The following BNC2 variants were observed in gnomAD, a reference collection of about 807,000 sequenced individuals.
BNC2 encodes the protein basonuclin zinc finger protein 2, also known as zinc finger protein basonuclin-2.
Under a neutral mutation model 76.3 loss-of-function variants are expected in BNC2, and 20 were observed. The ratio of observed to expected loss-of-function variants is 0.26; its 90% CI spans 0.18 to 0.38. The LOEUF is 0.38. Ranked by LOEUF, BNC2 falls within the 10% of genes least tolerant of loss-of-function variation. The pLI, the probability that BNC2 is intolerant of heterozygous loss-of-function variation, is 1.00. For missense variants in BNC2, 1,382 were observed against 1,399.8 expected (o/e 0.99, Z 0.20); for synonymous variants, 582 against 514.8 (o/e 1.13, Z -1.77).
At chr9:16,505,816 C>A (rs1005650557) in intron 5 of BNC2, among the ~76,000 whole-genome samples, 5 of 152,038 alleles carry the variant, frequency 3.3e-5, no homozygotes, top group Admixed American at 6.5e-5. Context: ...AATATTAACA[C>A]CCCAAGCAGA....
intron 5 of BNC2, among the ~76,000 whole-genome samples, chr9:16,445,779 C>T (rs1167339247): frequency 6.6e-6 from 1 of 152,182 alleles, no homozygotes; most frequent in Admixed American, 6.5e-5. Context: ...CCTCATCCAC[C>T]CCAAACTGCC....
At chr9:16,690,956 G>A (rs1250132835) in intron 3 of BNC2, among the ~76,000 whole-genome samples, 1 of 152,102 alleles carries the variant, frequency 6.6e-6, no homozygotes, top group Non-Finnish European at 1.5e-5. Context: ...GATCCTCTGG[G>A]GTGAGCTGCC....
At position 16,436,518 on chromosome 9, in the gene BNC2, A is replaced by C; in HGVS notation, c.1676T>G (p.Val559Gly). ...VLQNPLPSQL[V>G]FSGLKTVQPV... ...TTGTACAGTCTTTAGCCCAGAAAAT[A>C]CTAGCTGGCTAGGGAGAGGATTTTG... Residue 559 changes from valine (V) to glycine (G), a missense_variant, in exon 6 of 7, where the codon GTA becomes GGA. Val to Gly is a moderately radical substitution (Grantham distance 109, BLOSUM62 -3). Around this residue, in one of 3 missense-constraint regions of BNC2, gnomAD observed 798 missense variants for 775.5 expected, o/e 1.03. Coordinates refer to ENST00000380672, the MANE Select transcript of BNC2 (RefSeq NM_017637.6). 1 of 1,614,114 alleles carries C rather than the reference A, an allele frequency of 6.2e-7. No homozygotes were observed. Among genetic ancestry groups the C allele is most frequent in the Non-Finnish European group, 8.5e-7 (1 of 1,180,014 alleles).
chr9:16,607,222 G>T (rs1395990925), intron 3 of BNC2, among the ~76,000 whole-genome samples: 3 of 152,192 alleles, frequency 2.0e-5, no homozygotes, highest in Admixed American at 2.0e-4. Context: ...CCCAAAGTGC[G>T]TGAGCCACAG....
intron 5 of BNC2, among the ~76,000 whole-genome samples, chr9:16,479,128 T>C (rs1235043798): frequency 6.6e-6 from 1 of 151,878 alleles, no homozygotes; most frequent in East Asian, 1.9e-4. Flanking sequence ...GGCGCACACC[T>C]GTAATCCCAG....
intron 1 of BNC2, among the ~76,000 whole-genome samples, chr9:16,761,332 T>G (rs576066611): frequency 6.6e-6 from 1 of 152,336 alleles, no homozygotes; most frequent in East Asian, 1.9e-4. Context: ...TAGCAATAGT[T>G]AGCTGCAATT....
At chr9:16,771,006 C>T (rs1374573824) in intron 1 of BNC2, among the ~76,000 whole-genome samples, 1 of 152,032 alleles carries the variant, frequency 6.6e-6, no homozygotes, top group African/African-American at 2.4e-5. Flanking sequence ...CCCCTCTCTA[C>T]TAAAAATACA....
intron 5 of BNC2, among the ~76,000 whole-genome samples, chr9:16,536,020 A>G (rs1818120535): frequency 6.6e-6 from 1 of 152,138 alleles, no homozygotes. Context: ...GCCATCCTAG[A>G]CCAACCAACC....
chr9:16,589,694 G>A (rs1269966698), intron 3 of BNC2, among the ~76,000 whole-genome samples: 1 of 151,870 alleles, frequency 6.6e-6, no homozygotes, highest in African/African-American at 2.4e-5. Context: ...ATTTTTAGTA[G>A]AGACAGGGTT....
At chr9:16,560,169 C>G (rs947333196) in intron 4 of BNC2, among the ~76,000 whole-genome samples, 13 of 152,194 alleles carry the variant, frequency 8.5e-5, no homozygotes, top group African/African-American at 2.9e-4. Flanking sequence ...ATCTGCATTT[C>G]TAACAAGTCT....
intron 3 of BNC2, among the ~76,000 whole-genome samples, chr9:16,705,918 A>C (rs1823656191): frequency 1.3e-5 from 2 of 152,212 alleles, no homozygotes; most frequent in Admixed American, 6.5e-5. Flanking sequence ...TTTTATTTAC[A>C]TGCTATTATT....
intron 1 of BNC2, among the ~76,000 whole-genome samples, chr9:16,746,408 G>T (rs1478540052): frequency 6.6e-6 from 1 of 151,910 alleles, no homozygotes; most frequent in African/African-American, 2.4e-5. Context: ...CTGTCACCAA[G>T]GCTGGAGTGC....
intron 1 of BNC2, among the ~76,000 whole-genome samples, chr9:16,756,656 A>T (rs1419583412): frequency 6.6e-6 from 1 of 151,936 alleles, no homozygotes; most frequent in African/African-American, 2.4e-5. Context: ...TTCTTTCCTC[A>T]TTCCTGAACC....
intron 5 of BNC2, among the ~76,000 whole-genome samples, chr9:16,469,256 C>G (rs372804272): frequency 2.0e-5 from 3 of 152,176 alleles, no homozygotes; most frequent in Non-Finnish European, 1.5e-5. Context: ...CCACCAAAAT[C>G]TCAACTTGAG....
intron 1 of BNC2, among the ~76,000 whole-genome samples, chr9:16,776,509 T>C (rs1825972788): frequency 6.6e-6 from 1 of 152,132 alleles, no homozygotes; most frequent in Admixed American, 6.6e-5. Context: ...TATAATCAAC[T>C]AGCTGTAGGC....
intron 1 of BNC2, among the ~76,000 whole-genome samples, chr9:16,818,727 A>T (rs1563957454): frequency 6.6e-6 from 1 of 152,118 alleles, no homozygotes; most frequent in Non-Finnish European, 1.5e-5. Context: ...AGGTCTCACT[A>T]AGTTGCCCAG....
chr9:16,478,671 G>GT (rs1403978704), intron 5 of BNC2, among the ~76,000 whole-genome samples: 2 of 152,168 alleles, frequency 1.3e-5, no homozygotes, highest in Admixed American at 6.5e-5. Context: ...ATTAGATGTT[G>GT]TAAGTGTAGA....
intron 6 of BNC2, among the ~76,000 whole-genome samples, chr9:16,424,894 T>A (rs952920217): frequency 6.6e-6 from 1 of 152,214 alleles, no homozygotes; most frequent in African/African-American, 2.4e-5. Flanking sequence ...TTATTAACGA[T>A]AGGATGCTTA....
At chr9:16,494,514 A>C (rs1822344956) in intron 5 of BNC2, among the ~76,000 whole-genome samples, 1 of 152,122 alleles carries the variant, frequency 6.6e-6, no homozygotes, top group Non-Finnish European at 1.5e-5. Context: ...GGTGTGGGTG[A>C]GGAAAGGCTG....
Sources: allele counts gnomAD v4.1 joint callset (sites outside exome capture counted in the v4.1 genomes callset), GRCh38; gene constraint gnomAD v4.1.1; regional missense constraint gnomAD v4.1.1; transcripts MANE v1.5; gene names NCBI Gene and HGNC (gene_info 2026-07-23, HGNC 2026-07-21).